SCLT1: variants seen among roughly 807,000 people sequenced by gnomAD.
SCLT1 encodes the protein sodium channel-associated protein 1.
SCLT1 carries 78 observed loss-of-function variants against 112.8 expected under a neutral mutation model. That is an observed-to-expected ratio of 0.69 (90% confidence interval 0.58 to 0.83). SCLT1 has a LOEUF of 0.83. Ranked by LOEUF, SCLT1 falls within the 40% of genes least tolerant of loss-of-function variation. The pLI, the probability that SCLT1 is intolerant of heterozygous loss-of-function variation, is 0.00. For missense variants in SCLT1, 747 were observed against 770.4 expected (o/e 0.97, Z 0.36); for synonymous variants, 257 against 254.7 (o/e 1.01, Z -0.09).
rs138494652 is a variant in SCLT1, at chr4:129,029,458, A to T, written c.290+9583T>A. 7.3e-3 allele frequency among the ~76,000 whole-genome samples: 1,085 copies of T among 149,046 alleles called. 13 individuals carry two copies. Among genetic ancestry groups the T allele is most frequent in the African/African-American group, 0.025 (1,021 of 40,904 alleles). On this transcript the variant is annotated intron_variant, in intron 5 of 20. Transcript: ENST00000281142. The stretch of plus-strand genomic sequence containing the variant: ...AACCAAACACCGCATGTTCTCACTC[A>T]TAGGTGGGAATTGAACAATGAGAAC...
intron 20 of SCLT1, among the ~76,000 whole-genome samples, chr4:128,887,910 A>G (rs1401262689): frequency 6.6e-6 from 1 of 152,208 alleles, no homozygotes; most frequent in Non-Finnish European, 1.5e-5. Context: ...GAAATTTGAA[A>G]TATTACATTC....
chr4:129,057,345 T>A (rs984390976), intron 2 of SCLT1, among the ~76,000 whole-genome samples: 1 of 152,036 alleles, frequency 6.6e-6, no homozygotes, highest in Non-Finnish European at 1.5e-5. Context: ...CCTTGTGGGA[T>A]ACATTTGGAA....
intron 14 of SCLT1, among the ~76,000 whole-genome samples, chr4:128,949,961 T>A (rs896653946): frequency 1.9e-5 from 2 of 106,090 alleles, no homozygotes; most frequent in Non-Finnish European, 1.8e-5. Flanking sequence ...TTTCAATATG[T>A]TTTTAAATTT....
intron 5 of SCLT1, among the ~76,000 whole-genome samples, chr4:129,031,714 C>G (rs1420095863): frequency 6.6e-6 from 1 of 151,958 alleles, no homozygotes; most frequent in Non-Finnish European, 1.5e-5. Flanking sequence ...TTCACAATTG[C>G]TACAAAGAGA....
In SCLT1 at chr4:129,080,151, A is replaced by G. The variant is rs1382166163; in HGVS notation, c.102+2155T>C. ...AGGGGCTGTGGTGAACATCACCAAA[A>G]TGCCTTTGAGGCATCTTTATTGTCT... is the stretch of plus-strand genomic sequence containing the variant. On this transcript the variant is annotated intron_variant, in intron 2 of 20. Transcript: ENST00000281142. 2.0e-5 allele frequency among the ~76,000 whole-genome samples: 3 copies of G among 152,152 alleles called. No homozygotes were observed. The East Asian group carries it at 5.8e-4, about 29-fold the overall frequency.
chr4:128,984,278 A>G (rs1257423101), intron 9 of SCLT1, among the ~76,000 whole-genome samples: 3 of 152,068 alleles, frequency 2.0e-5, no homozygotes, highest in Non-Finnish European at 4.4e-5. Context: ...CCTGCAATCA[A>G]CTCTGCTACT....
At chr4:128,946,616 T>C (rs1218332897) in intron 15 of SCLT1, among the ~76,000 whole-genome samples, 1 of 152,170 alleles carries the variant, frequency 6.6e-6, no homozygotes, top group African/African-American at 2.4e-5. Context: ...ATGCTCATGG[T>C]AAACTATGCA....
At chr4:128,919,530 C>T (rs1320865668) in intron 18 of SCLT1, among the ~76,000 whole-genome samples, 2 of 151,896 alleles carry the variant, frequency 1.3e-5, no homozygotes, top group Non-Finnish European at 2.9e-5. Context: ...AACCCCAGAG[C>T]TAGCAGAAGA....
intron 18 of SCLT1, among the ~76,000 whole-genome samples, chr4:128,915,948 T>C (rs1735440309): frequency 6.6e-6 from 1 of 152,176 alleles, no homozygotes; most frequent in Non-Finnish European, 1.5e-5. Context: ...ACAGAATAAG[T>C]TCTTAGTGGC....
At chr4:129,070,952 C>T (rs1466508676) in intron 2 of SCLT1, among the ~76,000 whole-genome samples, 1 of 152,032 alleles carries the variant, frequency 6.6e-6, no homozygotes, top group Non-Finnish European at 1.5e-5. Flanking sequence ...TTTGCTGTAT[C>T]CCACAGGTTT....
intron 18 of SCLT1, among the ~76,000 whole-genome samples, chr4:128,903,256 C>T (rs539526588): frequency 6.6e-6 from 1 of 152,198 alleles, no homozygotes; most frequent in Admixed American, 6.5e-5. Context: ...CCATAAACAC[C>T]TGAGTAATGC....
At chr4:129,073,136 A>G (rs1010463343) in intron 2 of SCLT1, among the ~76,000 whole-genome samples, 1 of 152,138 alleles carries the variant, frequency 6.6e-6, no homozygotes, top group Admixed American at 6.6e-5. Context: ...TTGTCTGTAC[A>G]AAGTCCTGTG....
chr4:129,060,958 C>T (rs1749910906), intron 2 of SCLT1, among the ~76,000 whole-genome samples: 1 of 152,074 alleles, frequency 6.6e-6, no homozygotes, highest in Non-Finnish European at 1.5e-5. Flanking sequence ...TCTAAGACAC[C>T]CCTATCCACT....
intron 18 of SCLT1, among the ~76,000 whole-genome samples, chr4:128,923,239 A>G (rs1736015166): frequency 6.6e-6 from 1 of 152,038 alleles, no homozygotes; most frequent in Admixed American, 6.6e-5. Flanking sequence ...TGAGGTCAGG[A>G]GTTTGAGACC....
chr4:128,882,835 A>G (rs535935570), downstream of SCLT1, among the ~76,000 whole-genome samples: 1 of 152,228 alleles, frequency 6.6e-6, no homozygotes, highest in South Asian at 2.1e-4. Flanking sequence ...AGAGATCTGA[A>G]AAGTGTATAG....
At chr4:128,877,781 C>G (rs1184010647) in intron 3 of SCLT1, among the ~76,000 whole-genome samples, 1 of 151,944 alleles carries the variant, frequency 6.6e-6, no homozygotes, top group Non-Finnish European at 1.5e-5. Flanking sequence ...AGCCAATAAA[C>G]TTGGTTAAAA....
intron 5 of SCLT1, among the ~76,000 whole-genome samples, chr4:129,012,104 G>C (rs1407166950): frequency 6.6e-6 from 1 of 152,052 alleles, no homozygotes; most frequent in African/African-American, 2.4e-5. Context: ...TGGTTCTGTA[G>C]TTCTTTTAGT....
At chr4:129,030,279 A>G (rs1342892459) in intron 5 of SCLT1, among the ~76,000 whole-genome samples, 1 of 152,206 alleles carries the variant, frequency 6.6e-6, no homozygotes, top group East Asian at 1.9e-4. Context: ...CAAAGACACA[A>G]TGTACCATAA....
intron 2 of SCLT1, among the ~76,000 whole-genome samples, chr4:129,072,282 C>T (rs998260381): frequency 3.9e-5 from 6 of 152,056 alleles, no homozygotes; most frequent in Non-Finnish European, 5.9e-5. Context: ...TGACAATGTC[C>T]TAGGCAAAGA....
Sources: gnomAD v4.1 joint callset for allele counts (sites outside exome capture counted in the v4.1 genomes callset) on GRCh38, gnomAD v4.1.1 for gene constraint, MANE v1.5 for transcripts, NCBI Gene and HGNC (gene_info 2026-07-23, HGNC 2026-07-21) for gene names.